Variants in DHX37 observed in about 807,000 individuals in gnomAD.
DHX37 encodes DEAH-box helicase 37.
A neutral mutation model predicts 134.3 loss-of-function variants in DHX37; 52 were observed. That is an observed-to-expected ratio of 0.39 (90% CI 0.31 to 0.49). DHX37 has a LOEUF of 0.49. Among genes scored for constraint, DHX37 ranks in the 20% least tolerant of loss-of-function variants. DHX37 has a pLI of 0.93. For missense variants in DHX37, 1,344 were observed against 1,580.8 expected, an observed-to-expected ratio of 0.85 and a Z score of 2.54; for synonymous variants, 634 against 670.7, an observed-to-expected ratio of 0.95 and a Z score of 0.85.
At chr12:124,955,863 G>A (rs1954082417) in intron 18 of DHX37, among the ~76,000 whole-genome samples, 1 of 146,760 alleles carries the variant, frequency 6.8e-6, no homozygotes, top group East Asian at 2.2e-4. Flanking sequence ...TAGTGGCTGC[G>A]GTATGGAATG....
intron 16 of DHX37, among the ~76,000 whole-genome samples, chr12:124,958,423 G>A (rs753119405): frequency 6.6e-6 from 1 of 152,156 alleles, no homozygotes. Context: ...ACTCCCGACA[G>A]TGCTCCCAGC....
At chr12:124,974,995 C>T (rs1489960528) in intron 6 of DHX37, among the ~76,000 whole-genome samples, 2 of 152,154 alleles carry the variant, frequency 1.3e-5, no homozygotes, top group African/African-American at 2.4e-5. Context: ...AGGTTGGTCT[C>T]GAATTCCAGA....
chr12:124,971,651 C>T (rs1954525616), intron 7 of DHX37, among the ~76,000 whole-genome samples: 1 of 152,168 alleles, frequency 6.6e-6, no homozygotes, highest in Non-Finnish European at 1.5e-5. Flanking sequence ...ACAGGGGCCA[C>T]CCAGACCCAA....
intron 21 of DHX37, among the ~76,000 whole-genome samples, chr12:124,951,913 A>G (rs1039267077): frequency 1.3e-5 from 2 of 152,182 alleles, no homozygotes; most frequent in Non-Finnish European, 2.9e-5. Flanking sequence ...TGGAGGTTGC[A>G]GTGAGCTGAG....
chr12:124,958,308 G>A (rs1014094444), intron 16 of DHX37, among the ~76,000 whole-genome samples: 1 of 152,304 alleles, frequency 6.6e-6, no homozygotes, highest in South Asian at 2.1e-4. Context: ...AGGAACCCAG[G>A]TCTGGGGGAA....
chr12:124,980,782 G>T lies in DHX37; in HGVS notation c.446C>A (p.Ala149Asp). 6.4e-7 allele frequency: 1 copy of T among 1,556,470 alleles called. No homozygotes were observed. Among genetic ancestry groups the T allele is most frequent in the Non-Finnish European group, 8.7e-7 (1 of 1,153,092 alleles). The change falls in exon 4 of 27, where the codon GCC (alanine) becomes GAC (aspartate). Residue 149 changes from alanine (A) to aspartate (D), a missense_variant. Coordinates refer to ENST00000308736, the MANE Select transcript of DHX37 (RefSeq NM_032656.4). This position sits in a 1 kb window ranked among gnomAD's most constrained non-coding sequence, Gnocchi z 5.3. ...GGGCCAGCGGCGACGCTTCCGGTGG[G>T]CACCGCTGAGGCTACTGATCTTCTC... ...GQEKISSLSG[A>D]HRKRRRWPSA...
intron 6 of DHX37, among the ~76,000 whole-genome samples, chr12:124,974,927 C>T (rs1266159576): frequency 1.3e-5 from 2 of 152,158 alleles, no homozygotes; most frequent in Non-Finnish European, 2.9e-5. Flanking sequence ...CAGGCATGTG[C>T]CACCACACCT....
chr12:124,981,251 G>A (rs1223144902), intron 3 of DHX37, among the ~76,000 whole-genome samples: 1 of 137,682 alleles, frequency 7.3e-6, no homozygotes, highest in Non-Finnish European at 1.7e-5. Flanking sequence ...GCCTGGGACA[G>A]TCTCTGCACT....
chr12:124,954,212 C>A lies in DHX37; in HGVS notation c.2454-1G>T. On this transcript the variant is annotated splice_acceptor_variant, in intron 18 of 26. Coordinates refer to ENST00000308736, the MANE Select transcript of DHX37 (RefSeq NM_032656.4). LOFTEE classifies it high-confidence loss of function. ...GAGCTCCTCGTCACTGGCCGCTGGT[C>A]TGCAAACACACATACATACTGTCTG... The A allele has an allele frequency of 1.3e-6, 2 of 1,590,568 alleles. No homozygotes were observed. Among genetic ancestry groups the A allele is most frequent in the South Asian group, 1.2e-5 (1 of 86,866 alleles).
chr12:124,947,276 T>A lies in DHX37; in HGVS notation c.*526A>T, dbSNP rs548321140. 6.6e-6 allele frequency: 1 copy of A among 152,644 alleles called. No individual in the cohort carries two copies. The highest frequency in any genetic ancestry group is 1.9e-4 in the East Asian group (1 of 5,176). 9.5% of individuals were successfully genotyped at this position (152,644 alleles called of 1,614,324 possible). ...ACAGGAAAGGCGTTGGCGGCCACCC[T>A]CCCAAGAAGGCATGGAGCCTGGGGG... is the stretch of plus-strand genomic sequence containing the variant. On this transcript the variant is annotated 3_prime_UTR_variant, in exon 27 of 27. Coordinates refer to ENST00000308736, the MANE Select transcript of DHX37 (RefSeq NM_032656.4).
At chr12:124,971,463 A>C in intron 7 of DHX37, 48 bp from the exon 8 acceptor site, 1 of 1,593,940 alleles carries the variant, frequency 6.3e-7, no homozygotes, top group Non-Finnish European at 8.5e-7. Flanking sequence ...CTAAGCCCCA[A>C]GGGCCGCTTC....
chr12:124,980,793 G>T lies in DHX37; in HGVS notation c.435C>A (p.Ser145Arg). Residue 145 changes from serine (S) to arginine (R), a missense_variant, in exon 4 of 27, where the codon AGC (serine) becomes AGA (arginine). Ser to Arg is a moderately radical substitution (Grantham distance 110). This residue lies in a region of DHX37 where 319 missense variants were observed against 296.1 expected (regional missense o/e 1.08). Coordinates refer to ENST00000308736, the MANE Select transcript of DHX37 (RefSeq NM_032656.4). This position sits in a 1 kb window ranked among gnomAD's most constrained non-coding sequence, Gnocchi z 5.3. ...GACGCTTCCGGTGGGCACCGCTGAGGCTACTGATCTTCTCCTGGCCCGGGG... is the reference window on the plus strand; with the variant it reads ...GACGCTTCCGGTGGGCACCGCTGAGTCTACTGATCTTCTCCTGGCCCGGGG... ...VVAPGQEKIS[S>R]LSGAHRKRRR... The T allele has an allele frequency of 6.4e-7, 1 of 1,557,738 alleles. No individual in the cohort carries two copies.
intron 6 of DHX37, among the ~76,000 whole-genome samples, chr12:124,973,082 C>A (rs1265888267): frequency 6.6e-6 from 1 of 152,192 alleles, no homozygotes; most frequent in Non-Finnish European, 1.5e-5. Context: ...GTTGAGGCTG[C>A]ACTGAGCAAA....
At chr12:124,972,803 G>C in intron 6 of DHX37, among the ~76,000 whole-genome samples, 1 of 152,242 alleles carries the variant, frequency 6.6e-6, no homozygotes, top group East Asian at 1.9e-4. Context: ...GAGCTGTTAA[G>C]GGCAACTGAG....
chr12:124,959,332 C>T (rs972821703), intron 16 of DHX37, among the ~76,000 whole-genome samples: 2 of 152,126 alleles, frequency 1.3e-5, no homozygotes, highest in African/African-American at 4.8e-5. Context: ...CTCGGCCTTC[C>T]AAAGTGCTGA....
At chr12:124,954,365 C>T in intron 18 of DHX37, 154 bp from the exon 19 acceptor site, 2 of 756,560 alleles carry the variant, frequency 2.6e-6, no homozygotes, top group South Asian at 1.2e-4. Context: ...TCAAAATTCA[C>T]CATTGGCAGC....
At chr12:124,953,611 A>G (rs1954018481) in intron 20 of DHX37, 5 of 482,108 alleles carry the variant, frequency 1.0e-5, no homozygotes, top group Admixed American at 3.4e-5. Flanking sequence ...GGAAAATGGC[A>G]GGGGGTATCG....
chr12:124,947,434 C>G lies in DHX37; in HGVS notation c.*368G>C, dbSNP rs191419875. 5.5e-6 allele frequency: 1 copy of G among 183,382 alleles called. No homozygotes were observed. The highest frequency in any genetic ancestry group is 1.1e-5 in the Non-Finnish European group (1 of 89,184). The allele number at this position is 183,382 out of a possible 1,614,324, so 11.4% of individuals were successfully genotyped here. A position where few individuals can be genotyped will look rare whatever the true frequency, so the allele number is the denominator to read the frequency against. The stretch of plus-strand genomic sequence containing the variant: ...AGAATTGCAGGAAGGAGGCCCTCCA[C>G]GTGCCTCCTCGGCCTTCTGGCAGGG... On this transcript the variant is annotated 3_prime_UTR_variant, in exon 27 of 27. Coordinates refer to ENST00000308736, the MANE Select transcript of DHX37 (RefSeq NM_032656.4).
intron 15 of DHX37, among the ~76,000 whole-genome samples, chr12:124,962,024 T>A (rs1000831828): frequency 2.6e-5 from 4 of 151,576 alleles, no homozygotes; most frequent in Non-Finnish European, 5.9e-5. Context: ...TGACAGGAAA[T>A]AGTCACACAT....
Sources: allele counts gnomAD v4.1 joint callset (sites outside exome capture counted in the v4.1 genomes callset), GRCh38; gene constraint gnomAD v4.1.1; regional missense constraint gnomAD v4.1.1; non-coding constraint Gnocchi (gnomAD v3.1); transcripts MANE v1.5; gene names NCBI Gene and HGNC (gene_info 2026-07-23, HGNC 2026-07-21).